CNTLN: variants seen among roughly 807,000 people sequenced by gnomAD.
The protein encoded by CNTLN is centlein, centrosomal protein.
CNTLN carries 212 observed loss-of-function variants against 180.0 expected under a neutral mutation model. The ratio of observed to expected loss-of-function variants is 1.18; its 90% CI spans 1.05 to 1.32. The LOEUF is 1.32. CNTLN is among the 40% of genes most tolerant of loss of function. The probability of loss-of-function intolerance (pLI) is 0.00; values close to 1 mark genes in which losing one functional copy is unlikely to be tolerated. For missense variants in CNTLN, 2,095 were observed against 1,610.9 expected (o/e 1.30, Z -5.14); for synonymous variants, 722 against 563.1 (o/e 1.28, Z -3.99).
At chr9:17,214,673 C>G (rs1823600670) in intron 2 of CNTLN, among the ~76,000 whole-genome samples, 1 of 152,092 alleles carries the variant, frequency 6.6e-6, no homozygotes, top group South Asian at 2.1e-4. Flanking sequence ...TCCATTGTCC[C>G]CATCATTTTC....
chr9:17,430,219 T>C (rs1829335881), intron 18 of CNTLN, among the ~76,000 whole-genome samples: 1 of 152,012 alleles, frequency 6.6e-6, no homozygotes, highest in Non-Finnish European at 1.5e-5. Flanking sequence ...CTCCCTAGAC[T>C]CTTTCCAAGA....
chr9:17,351,376 T>G (rs1042037253), intron 12 of CNTLN, among the ~76,000 whole-genome samples: 3 of 152,216 alleles, frequency 2.0e-5, no homozygotes, highest in Non-Finnish European at 2.9e-5. Context: ...GAACTGCAAC[T>G]AAGTATATCC....
chr9:17,140,143 GA>G (rs1333179950), intron 1 of CNTLN, among the ~76,000 whole-genome samples: 4 of 152,060 alleles, frequency 2.6e-5, no homozygotes, highest in African/African-American at 9.7e-5. Flanking sequence ...TTCGGGGGGG[GA>G]CTTTATTTTT....
intron 2 of CNTLN, among the ~76,000 whole-genome samples, chr9:17,210,327 C>T (rs190132581): frequency 4.1e-4 from 62 of 152,170 alleles, no homozygotes; most frequent in African/African-American, 8.7e-4. Context: ...GGTTTTTTGT[C>T]CTTGCGATAG....
chr9:17,138,853 T>A (rs2131402217), intron 1 of CNTLN, among the ~76,000 whole-genome samples: 1 of 152,278 alleles, frequency 6.6e-6, no homozygotes, highest in African/African-American at 2.4e-5. Flanking sequence ...AAATGGCAAT[T>A]TGGGGTGTCT....
chr9:17,355,126 C>T (rs1822729278), intron 12 of CNTLN, among the ~76,000 whole-genome samples: 1 of 152,114 alleles, frequency 6.6e-6, no homozygotes, highest in Non-Finnish European at 1.5e-5. Context: ...CGCGAGGGTC[C>T]GCAGCTTCAT....
intron 6 of CNTLN, among the ~76,000 whole-genome samples, chr9:17,297,040 A>G (rs1386358063): frequency 1.3e-5 from 2 of 152,222 alleles, no homozygotes; most frequent in Non-Finnish European, 2.9e-5. Context: ...TGTAAGTACA[A>G]TCGGCCTTTC....
intron 2 of CNTLN, among the ~76,000 whole-genome samples, chr9:17,212,126 T>C (rs1194258434): frequency 3.9e-5 from 6 of 152,216 alleles, no homozygotes; most frequent in Non-Finnish European, 5.9e-5. Flanking sequence ...CATCCCTGTC[T>C]TGTGCCAGTT....
chr9:17,249,885 C>CTA (rs1313375994), intron 5 of CNTLN, among the ~76,000 whole-genome samples: 2 of 147,438 alleles, frequency 1.4e-5, no homozygotes, highest in African/African-American at 5.0e-5. Context: ...TATATGCCTT[C>CTA]TAGGTGTATC....
chr9:17,440,869 A>G (rs1279438564), intron 18 of CNTLN, among the ~76,000 whole-genome samples: 2 of 152,224 alleles, frequency 1.3e-5, no homozygotes, highest in East Asian at 1.9e-4. Context: ...TTCTACTTAT[A>G]TAAAATGTCC....
At chr9:17,375,132 T>C (rs151312875) in intron 13 of CNTLN, among the ~76,000 whole-genome samples, 2 of 152,278 alleles carry the variant, frequency 1.3e-5, no homozygotes, top group East Asian at 1.9e-4. Flanking sequence ...ATGGATGAAA[T>C]TGGAGGTCAT....
At chr9:17,284,900 A>G (rs1828885331) in intron 6 of CNTLN, among the ~76,000 whole-genome samples, 3 of 151,980 alleles carry the variant, frequency 2.0e-5, no homozygotes. Context: ...AGTTAGTGCT[A>G]TAAATTTCCC....
At chr9:17,387,012 G>C (rs923234970) in intron 13 of CNTLN, among the ~76,000 whole-genome samples, 1 of 152,160 alleles carries the variant, frequency 6.6e-6, no homozygotes, top group African/African-American at 2.4e-5. Context: ...TTATTCCCCA[G>C]GTGGCAAATT....
chr9:17,342,173 A>G, intron 11 of CNTLN, 152 bp from the exon 12 acceptor site: 1 of 773,244 alleles, frequency 1.3e-6, no homozygotes, highest in South Asian at 1.9e-5. Flanking sequence ...TGATTTCTAC[A>G]TGCTTAGGTT....
chr9:17,146,388 C>G (rs995757167), intron 2 of CNTLN, among the ~76,000 whole-genome samples: 2 of 152,142 alleles, frequency 1.3e-5, no homozygotes, highest in African/African-American at 4.8e-5. Flanking sequence ...TCTGTTTGCT[C>G]TATGCTATGA....
Position 17,403,904 on chromosome 9 carries a change from T to C in CNTLN, c.2616-5389T>C, listed in dbSNP as rs1038953530. 1.5e-4 allele frequency among the ~76,000 whole-genome samples: 23 copies of C among 151,906 alleles called. 1 individual carries two copies. The highest frequency in any genetic ancestry group is 5.6e-4 in the African/African-American group (23 of 41,256). On this transcript the variant is annotated intron_variant, in intron 15 of 25. Transcript: ENST00000380647. ...GATTCTCGTGCTTCAGCCTCCCAAG[T>C]AGCTGGGGCTAGAGATGTGTGCCAC...
At chr9:17,381,891 G>C (rs1317108682) in intron 13 of CNTLN, among the ~76,000 whole-genome samples, 1 of 152,108 alleles carries the variant, frequency 6.6e-6, no homozygotes, top group Non-Finnish European at 1.5e-5. Flanking sequence ...GTGGATGTTG[G>C]AAATTTCCAA....
Position 17,242,723 on chromosome 9 carries a change from A to G in CNTLN, c.849+6135A>G, listed in dbSNP as rs560410637. ...CTAGGATAAATTGCACTTGGTCATGATGAATGATCTTTTTGATTTGGTGCT... is the reference window on the plus strand; with the variant it reads ...CTAGGATAAATTGCACTTGGTCATGGTGAATGATCTTTTTGATTTGGTGCT... On this transcript the variant is annotated intron_variant, in intron 5 of 25. Coordinates refer to ENST00000380647, the MANE Select transcript of CNTLN (RefSeq NM_017738.4). Among the ~76,000 whole-genome samples, 6 of 152,294 alleles carry G rather than the reference A, an allele frequency of 3.9e-5. No individual in the cohort carries two copies. The South Asian group carries it at 1.0e-3, about 26-fold the overall frequency.
At chr9:17,335,935 AAC>A (rs1820994218) in intron 10 of CNTLN, among the ~76,000 whole-genome samples, 1 of 151,836 alleles carries the variant, frequency 6.6e-6, no homozygotes, top group Non-Finnish European at 1.5e-5. Flanking sequence ...CAAAAACAAA[AAC>A]AAAAACAAAG....
Sources: gnomAD v4.1 joint callset for allele counts (sites outside exome capture counted in the v4.1 genomes callset) on GRCh38, gnomAD v4.1.1 for gene constraint, MANE v1.5 for transcripts, NCBI Gene and HGNC (gene_info 2026-07-23, HGNC 2026-07-21) for gene names.